ANO3: variants seen among roughly 807,000 people sequenced by gnomAD.
ANO3 encodes anoctamin 3, also known as anoctamin-3.
A neutral mutation model predicts 144.8 loss-of-function variants in ANO3; 99 were observed. That is an observed-to-expected ratio of 0.68 (90% CI 0.58 to 0.81). The LOEUF is 0.81. Ranked by LOEUF, ANO3 falls within the 30% of genes least tolerant of loss-of-function variation. The pLI is 0.00. For missense variants in ANO3, 905 were observed against 1,202.2 expected, an observed-to-expected ratio of 0.75 and a Z score of 3.66; for synonymous variants, 414 against 392.6, an observed-to-expected ratio of 1.05 and a Z score of -0.64.
chr11:26,482,624 T>A (rs1304841969), intron 4 of ANO3, among the ~76,000 whole-genome samples: 1 of 152,182 alleles, frequency 6.6e-6, no homozygotes, highest in Non-Finnish European at 1.5e-5. Context: ...TGTTTATTTG[T>A]ATAGATTTAA....
At chr11:26,606,287 A>C (rs534075834) in intron 17 of ANO3, among the ~76,000 whole-genome samples, 1 of 152,292 alleles carries the variant, frequency 6.6e-6, no homozygotes, top group East Asian at 1.9e-4. Context: ...GTGTGGTCTG[A>C]GAGACTGTTT....
chr11:26,634,135 G>A, intron 18 of ANO3, 69 bp from the exon 19 acceptor site: 1 of 803,520 alleles, frequency 1.2e-6, no homozygotes, highest in Non-Finnish European at 2.0e-6. Context: ...TGGGGTTTCT[G>A]CCTCCATGTC....
intron 1 of ANO3, among the ~76,000 whole-genome samples, chr11:26,342,354 T>A (rs1183916550): frequency 1.3e-5 from 2 of 152,082 alleles, no homozygotes; most frequent in Non-Finnish European, 2.9e-5. Flanking sequence ...CTTTAGGAGG[T>A]GATTAACCCA....
intron 1 of ANO3, among the ~76,000 whole-genome samples, chr11:26,240,942 C>T (rs887940160): frequency 6.6e-6 from 1 of 152,128 alleles, no homozygotes; most frequent in South Asian, 2.1e-4. Flanking sequence ...TATGGTTTGG[C>T]TGTGTCCCCA....
chr11:26,224,895 G>A (rs1278944644), intron 1 of ANO3, among the ~76,000 whole-genome samples: 1 of 152,144 alleles, frequency 6.6e-6, no homozygotes, highest in Non-Finnish European at 1.5e-5. Context: ...AAGGCCATGT[G>A]GGGATCTGTA....
chr11:26,545,827 A>C (rs775906397), intron 11 of ANO3, among the ~76,000 whole-genome samples: 3 of 151,908 alleles, frequency 2.0e-5, no homozygotes, highest in Admixed American at 6.6e-5. Flanking sequence ...GAACACAGGA[A>C]TCATAGAAGA....
intron 11 of ANO3, among the ~76,000 whole-genome samples, chr11:26,543,772 T>A (rs1277905624): frequency 6.6e-6 from 1 of 152,132 alleles, no homozygotes; most frequent in Admixed American, 6.6e-5. Context: ...TCCATGTCAC[T>A]ACAAAGGACA....
chr11:26,470,665 G>T (rs1310374699), intron 4 of ANO3, among the ~76,000 whole-genome samples: 2 of 151,916 alleles, frequency 1.3e-5, no homozygotes, highest in African/African-American at 4.8e-5. Flanking sequence ...GTAAAAAAAT[G>T]TGCAGTATAA....
chr11:26,565,476 T>G, intron 14 of ANO3: 1 of 1,613,436 alleles, frequency 6.2e-7, no homozygotes. Flanking sequence ...AAGATCTTCA[T>G]CTGCTATAGG....
At chr11:26,651,869 GT>G (rs1366038510) in intron 24 of ANO3, among the ~76,000 whole-genome samples, 1 of 152,094 alleles carries the variant, frequency 6.6e-6, no homozygotes, top group Non-Finnish European at 1.5e-5. Context: ...AAATATATAT[GT>G]TTTAAGGTTG....
chr11:26,550,076 A>G (rs439464), intron 12 of ANO3, among the ~76,000 whole-genome samples: 107,523 of 151,138 alleles, frequency 0.71, 38,558 homozygotes, highest in East Asian at 0.84. Context: ...TAAAAAAAAA[A>G]TGACTTTGTC....
chr11:26,347,906 G>A (rs550190609), intron 1 of ANO3, among the ~76,000 whole-genome samples: 1 of 152,280 alleles, frequency 6.6e-6, no homozygotes, highest in East Asian at 1.9e-4. Context: ...AGCAAGAAAA[G>A]GGTCCTGGCC....
intron 1 of ANO3, among the ~76,000 whole-genome samples, chr11:26,429,350 C>T (rs1051044091): frequency 3.3e-5 from 5 of 150,686 alleles, no homozygotes; most frequent in African/African-American, 9.8e-5. Flanking sequence ...AAGCTAATAC[C>T]AAACAGTAGA....
rs915700394 is a variant in ANO3, at chr11:26,462,968, T to G, written c.314-62T>G. The G allele has an allele frequency of 5.1e-6, 4 of 779,612 alleles. 1 individual carries two copies. 48.3% of individuals were successfully genotyped at this position (779,612 alleles called of 1,614,324 possible). On this transcript the variant is annotated intron_variant, in intron 3 of 26. Transcript: ENST00000256737. ...AAACATGAAAGAGGAGAGATTAGTA[T>G]GTTTAATGAAAAAAGAGAAAAACTA...
intron 14 of ANO3, among the ~76,000 whole-genome samples, chr11:26,581,085 C>T (rs534305561): frequency 6.6e-6 from 1 of 152,168 alleles, no homozygotes; most frequent in African/African-American, 2.4e-5. Context: ...TGAAATAAAC[C>T]ATGGAAGAAA....
At chr11:26,296,817 T>C (rs1481684945) in intron 1 of ANO3, among the ~76,000 whole-genome samples, 1 of 152,162 alleles carries the variant, frequency 6.6e-6, no homozygotes, top group Non-Finnish European at 1.5e-5. Flanking sequence ...GCTTTTACTA[T>C]GAAAAATATG....
chr11:26,571,335 A>T (rs890881956), intron 14 of ANO3, among the ~76,000 whole-genome samples: 8 of 152,150 alleles, frequency 5.3e-5, no homozygotes, highest in Non-Finnish European at 1.5e-5. Flanking sequence ...TAATAAAAAA[A>T]GAGGCTTATA....
At chr11:26,648,739 A>G (rs2133077361) in intron 24 of ANO3, among the ~76,000 whole-genome samples, 1 of 152,268 alleles carries the variant, frequency 6.6e-6, no homozygotes, top group South Asian at 2.1e-4. Context: ...GGCACATGAA[A>G]CAGAGCTGTA....
intron 1 of ANO3, among the ~76,000 whole-genome samples, chr11:26,232,019 A>C (rs1467001077): frequency 6.6e-6 from 1 of 152,212 alleles, no homozygotes; most frequent in Non-Finnish European, 1.5e-5. Context: ...GGCATGTCAA[A>C]GTAAACCTGC....
Sources: gnomAD v4.1 joint callset for allele counts (sites outside exome capture counted in the v4.1 genomes callset) on GRCh38, gnomAD v4.1.1 for gene constraint, MANE v1.5 for transcripts, NCBI Gene and HGNC (gene_info 2026-07-23, HGNC 2026-07-21) for gene names.